The following GINS3 variants were observed in gnomAD, a reference collection of about 807,000 sequenced individuals.
The protein encoded by GINS3 is DNA replication complex GINS protein PSF3.
A neutral mutation model predicts 20.0 loss-of-function variants in GINS3; 18 were observed. The observed-to-expected ratio is 0.90, with a 90% CI of 0.62 to 1.33. GINS3 has a LOEUF of 1.33. Ranked by LOEUF, GINS3 falls within the 40% of genes most tolerant of loss-of-function variation. The pLI is 0.00. For missense variants in GINS3, 254 were observed against 273.6 expected (o/e 0.93, Z 0.51); for synonymous variants, 109 against 107.0 (o/e 1.02, Z -0.12).
intron 2 of GINS3, 183 bp downstream of exon 2, chr16:58,403,514 C>A (rs1965986064): frequency 1.7e-6 from 1 of 574,428 alleles, no homozygotes; most frequent in Non-Finnish European, 3.1e-6. Context: ...CACACACACA[C>A]ACACACATTT....
intron 1 of GINS3, among the ~76,000 whole-genome samples, chr16:58,402,784 T>C (rs1337217570): frequency 6.6e-6 from 1 of 152,186 alleles, no homozygotes; most frequent in Non-Finnish European, 1.5e-5. Flanking sequence ...AAAAAGGAAA[T>C]GTTTACTATA....
rs1965797661 is a variant in GINS3, at chr16:58,392,708, C to A, written c.107C>A (p.Thr36Lys). Reference sequence around the variant, plus strand: ...TCCCACGAGAAGCTGCCGGTGCGCACGGAGACCGCCATGCCTCGCCTTGGC... The same window carrying A: ...TCCCACGAGAAGCTGCCGGTGCGCAAGGAGACCGCCATGCCTCGCCTTGGC... ...LMSHEKLPVR[T>K]ETAMPRLGAF... is the part of the protein sequence containing the mutation. The change falls in exon 1 of 3, where the codon ACG becomes AAG. Residue 36 changes from threonine to lysine, a missense_variant. By Grantham distance (78) the Thr-to-Lys change is moderately conservative (BLOSUM62 -1). Transcript: ENST00000318129. 2 of 1,614,106 alleles carry A rather than the reference C, an allele frequency of 1.2e-6. No homozygotes were observed. The highest frequency in any genetic ancestry group is 8.5e-7 in the Non-Finnish European group (1 of 1,180,056).
chr16:58,397,821 GGGGAGA>G (rs918393686), intron 1 of GINS3, among the ~76,000 whole-genome samples: 2 of 151,704 alleles, frequency 1.3e-5, no homozygotes, highest in African/African-American at 4.9e-5. Flanking sequence ...GGGAGACCGT[GGGGAGA>G]GGGAGAGGGA....
chr16:58,405,244 AG>A lies in GINS3; in HGVS notation c.*518del, dbSNP rs1359905432. 6.5e-6 allele frequency: 1 copy of A among 154,016 alleles called. No individual in the cohort carries two copies. Among genetic ancestry groups the A allele is most frequent in the East Asian group, 1.9e-4 (1 of 5,230 alleles). The allele number at this position is 154,016 out of a possible 1,614,324, so 9.5% of individuals were successfully genotyped here. On this transcript the variant is annotated 3_prime_UTR_variant, in exon 3 of 3. Transcript: ENST00000318129. ...GAGATATCTCCTGCTGCCTGCCTGC[AG>A]GGAGTTACCCCAGTTTCCAAAAACA...
chr16:58,404,626 T>G lies in GINS3; in HGVS notation c.548T>G (p.Leu183Arg). ...TTATTTCAAACAGGGCAGAAAGGAC[T>G]GAATGACTTTCAGTGTTGGGAGAAG... ...RGLFQTGQKG[L>R]NDFQCWEKGQ... The change falls in exon 3 of 3, where the codon CTG becomes CGG. Residue 183 changes from leucine to arginine, a missense_variant. By Grantham distance (102) the Leu-to-Arg change is moderately radical. Transcript: ENST00000318129. 1.9e-6 allele frequency: 3 copies of G among 1,614,170 alleles called. No individual in the cohort carries two copies. Among genetic ancestry groups the G allele is most frequent in the Non-Finnish European group, 2.5e-6 (3 of 1,180,004 alleles).
intron 1 of GINS3, among the ~76,000 whole-genome samples, chr16:58,395,940 G>A (rs1207927276): frequency 6.6e-6 from 1 of 150,646 alleles, no homozygotes; most frequent in Non-Finnish European, 1.5e-5. Context: ...TCCCGGACGG[G>A]GCGGCTGGCT....
Position 58,402,610 on chromosome 16 carries a change from G to A in GINS3, c.187-488G>A, listed in dbSNP as rs184751236. ...TTGAGGCTTTAAAAACTAGAGACAT[G>A]TGTGCTGTCATCTCTGAAGCTGTGA... On this transcript the variant is annotated intron_variant, in intron 1 of 2. Transcript: ENST00000318129. Among the ~76,000 whole-genome samples the A allele has an allele frequency of 5.4e-4, 82 of 152,206 alleles. 1 individual carries two copies. The highest frequency in any genetic ancestry group is 1.9e-3 in the African/African-American group (79 of 41,488).
chr16:58,393,864 A>C (rs971096197), intron 1 of GINS3, among the ~76,000 whole-genome samples: 2 of 151,932 alleles, frequency 1.3e-5, no homozygotes, highest in Admixed American at 1.3e-4. Flanking sequence ...TAGTACCAAA[A>C]GATTTATAAG....
intron 1 of GINS3, among the ~76,000 whole-genome samples, chr16:58,396,334 G>A (rs1965857150): frequency 7.9e-6 from 1 of 125,928 alleles, no homozygotes; most frequent in African/African-American, 3.2e-5. Flanking sequence ...ACCAGTAGGG[G>A]CGGCCGGGCA....
At chr16:58,404,048 C>G (rs184710289) in intron 2 of GINS3, 83 of 165,102 alleles carry the variant, frequency 5.0e-4, no homozygotes, top group African/African-American at 2.0e-3. Flanking sequence ...TATTACTTTT[C>G]CAGGACAAAA....
At chr16:58,392,950 C>T (rs537613901) in intron 1 of GINS3, 163 bp downstream of exon 1, 1 of 689,114 alleles carries the variant, frequency 1.5e-6, no homozygotes, top group Non-Finnish European at 2.4e-6. Context: ...CGCGGGGGTC[C>T]CTTCGCGCTC....
At position 58,403,298 on chromosome 16, in the gene GINS3, C is replaced by T. The variant is rs761630827; in HGVS notation, c.387C>T (p.Pro129=). The T allele has an allele frequency of 3.4e-5, 55 of 1,613,868 alleles. No individual in the cohort carries two copies. The South Asian group carries it at 4.5e-4, about 13-fold the overall frequency. ...FGSQLLHFDS[P]ENADISQSLL... is the part of the protein sequence containing the mutation. ...CCCAGCTCCTGCATTTTGACAGTCC[C>T]GAGAATGCAGACATTTCCCAGTCTC... is the stretch of plus-strand genomic sequence containing the variant. The change falls in exon 2 of 3, where the codon CCC becomes CCT. Residue 129 remains proline, a synonymous_variant. Coordinates refer to ENST00000318129, the MANE Select transcript of GINS3 (RefSeq NM_022770.4).
intron 1 of GINS3, chr16:58,395,171 G>C (rs533702470): frequency 1.1e-4 from 46 of 428,558 alleles, no homozygotes; most frequent in Non-Finnish European, 1.8e-4. Flanking sequence ...GACCTCCCAG[G>C]CTCCAGAGAT....
At chr16:58,395,602 C>T (rs912540069) in intron 1 of GINS3, among the ~76,000 whole-genome samples, 6 of 152,114 alleles carry the variant, frequency 3.9e-5, no homozygotes, top group Non-Finnish European at 7.3e-5. Context: ...ATCCATTCAA[C>T]CCCTGAGTGG....
rs888635915 is a variant in GINS3 at position 58,401,036 on chromosome 16, A to G, written c.187-2062A>G. 2.0e-5 allele frequency among the ~76,000 whole-genome samples: 3 copies of G among 152,032 alleles called. No homozygotes were observed. The East Asian group carries it at 5.8e-4, about 29-fold the overall frequency. On this transcript the variant is annotated intron_variant, in intron 1 of 2. Coordinates refer to ENST00000318129, the MANE Select transcript of GINS3 (RefSeq NM_022770.4). ...CACCATGTTGGTCAGGCCCGTCTCG[A>G]ACCCCTGAGCCCATGTGATTTGCCC...
rs1277084148 is a variant in GINS3 at position 58,405,752 on chromosome 16, C to T, written c.*1023C>T. The T allele has an allele frequency of 6.6e-6, 1 of 152,096 alleles. No individual in the cohort carries two copies. The highest frequency in any genetic ancestry group is 2.4e-5 in the African/African-American group (1 of 41,418). The allele number at this position is 152,096 out of a possible 1,614,324, so 9.4% of individuals were successfully genotyped here. On this transcript the variant is annotated 3_prime_UTR_variant, in exon 3 of 3. Coordinates refer to ENST00000318129, the MANE Select transcript of GINS3 (RefSeq NM_022770.4). ...AGCACTAATCTCTTTTCCTGGAGATCAAGGATGCAACCTCAGGTTGAGAAA... is the reference window on the plus strand; with the variant it reads ...AGCACTAATCTCTTTTCCTGGAGATTAAGGATGCAACCTCAGGTTGAGAAA...
chr16:58,396,429 T>C (rs1275355094), intron 1 of GINS3, among the ~76,000 whole-genome samples: 262 of 48,178 alleles, frequency 5.4e-3, no homozygotes, highest in Non-Finnish European at 5.9e-3. Context: ...GGCGGCTGGC[T>C]GGGCAGAGGG....
chr16:58,399,879 C>G (rs1965931939), intron 1 of GINS3, among the ~76,000 whole-genome samples: 1 of 152,178 alleles, frequency 6.6e-6, no homozygotes, highest in African/African-American at 2.4e-5. Context: ...TGACTAGAAT[C>G]TTAGAACACT....
rs199673740 is a variant in GINS3, at chr16:58,404,643, T to C, written c.565T>C (p.Trp189Arg). The C allele has an allele frequency of 3.7e-6, 6 of 1,614,178 alleles. No homozygotes were observed. The highest frequency in any genetic ancestry group is 5.1e-6 in the Non-Finnish European group (6 of 1,180,020). ...GAAAGGACTGAATGACTTTCAGTGT[T>C]GGGAGAAGGGGCAGGCTTCTCAGAT... is the stretch of plus-strand genomic sequence containing the variant. ...GQKGLNDFQC[W>R]EKGQASQITA... The change falls in exon 3 of 3, where the codon TGG becomes CGG. Residue 189 changes from tryptophan (W) to arginine (R), a missense_variant. Coordinates refer to ENST00000318129, the MANE Select transcript of GINS3 (RefSeq NM_022770.4).
Sources: gnomAD v4.1 joint callset for allele counts (sites outside exome capture counted in the v4.1 genomes callset) on GRCh38, gnomAD v4.1.1 for gene constraint, MANE v1.5 for transcripts, NCBI Gene and HGNC (gene_info 2026-07-23, HGNC 2026-07-21) for gene names.